MCFD2: variants seen among roughly 807,000 people sequenced by gnomAD.
MCFD2 encodes multiple coagulation factor deficiency protein 2.
Under a neutral mutation model 12.8 loss-of-function variants are expected in MCFD2, and 11 were observed. The observed-to-expected ratio is 0.86, with a 90% CI of 0.54 to 1.42. The LOEUF is 1.42. MCFD2 is among the 40% of genes most tolerant of loss of function. MCFD2 has a pLI of 0.00. For synonymous variants in MCFD2, 70 were observed against 68.1 expected (o/e 1.03, Z -0.14); for missense variants, 191 against 178.6 (o/e 1.07, Z -0.40).
intron 1 of MCFD2, among the ~76,000 whole-genome samples, chr2:46,926,334 G>A (rs770957582): frequency 1.1e-4 from 16 of 152,172 alleles, no homozygotes; most frequent in Admixed American, 5.9e-4. Flanking sequence ...CGGAGTAAGT[G>A]ATGCTCCCTA....
intron 1 of MCFD2, chr2:46,910,914 C>G (rs1668460229): frequency 6.6e-6 from 1 of 152,270 alleles, no homozygotes; most frequent in Non-Finnish European, 1.5e-5. Flanking sequence ...GCAGTGCACC[C>G]CTATAGTCCC....
Position 46,940,530 on chromosome 2 carries a change from G to C in MCFD2, c.-8+1042C>G, listed in dbSNP as rs1357773189. The stretch of plus-strand genomic sequence containing the variant: ...GCTAAACCCTGCTAAGCACTCCATA[G>C]AGCTTTGATCACAGTCTTAGACCAG... On this transcript the variant is annotated intron_variant, in intron 1 of 2. Coordinates refer to the MCFD2 transcript ENST00000409147. This position sits in a 1 kb window ranked among gnomAD's most constrained non-coding sequence, Gnocchi z 4.7. 6.6e-6 allele frequency among the ~76,000 whole-genome samples: 1 copy of C among 152,228 alleles called. No individual in the cohort carries two copies. The highest frequency in any genetic ancestry group is 2.4e-5 in the African/African-American group (1 of 41,466).
chr2:46,912,179 A>G (rs1337731364), intron 1 of MCFD2, among the ~76,000 whole-genome samples: 2 of 152,140 alleles, frequency 1.3e-5, no homozygotes, highest in East Asian at 3.9e-4. Context: ...TACTAAAAAT[A>G]CAAAAAAAAA....
At chr2:46,925,456 G>T (rs1669339522) in intron 1 of MCFD2, among the ~76,000 whole-genome samples, 1 of 152,160 alleles carries the variant, frequency 6.6e-6, no homozygotes. Flanking sequence ...TACTTGGGAG[G>T]CTGAGGCAGG....
chr2:46,912,364 C>T (rs995155283), intron 1 of MCFD2, among the ~76,000 whole-genome samples: 2 of 152,156 alleles, frequency 1.3e-5, no homozygotes, highest in Admixed American at 1.3e-4. Flanking sequence ...GTGTCCAGAC[C>T]CTGACAAGGC....
intron 1 of MCFD2, chr2:46,913,870 A>G (rs1168378944): frequency 1.3e-5 from 2 of 152,828 alleles, no homozygotes; most frequent in Middle Eastern, 3.3e-3. Context: ...TCCATCTCCA[A>G]CTTCCTTCCA....
intron 3 of MCFD2, 82 bp from the exon 4 acceptor site, chr2:46,905,676 C>CTTTCATG: frequency 1.5e-6 from 1 of 674,000 alleles, no homozygotes; most frequent in Non-Finnish European, 2.6e-6. Context: ...TATCCATGTT[C>CTTTCATG]TTTCATGGCA....
At chr2:46,910,077 G>A (rs555535672) in intron 1 of MCFD2, among the ~76,000 whole-genome samples, 1 of 152,340 alleles carries the variant, frequency 6.6e-6, no homozygotes, top group South Asian at 2.1e-4. Flanking sequence ...AGTAACTACA[G>A]TGAGCGGGCA....
intron 1 of MCFD2, among the ~76,000 whole-genome samples, chr2:46,913,256 CAG>C (rs748504055): frequency 3.3e-5 from 5 of 152,024 alleles, no homozygotes; most frequent in Non-Finnish European, 7.4e-5. Context: ...ACACTGAAAA[CAG>C]GGAATCGGGC....
Position 46,911,898 on chromosome 2 carries a change from A to G in MCFD2, c.-6-2721T>C, listed in dbSNP as rs1388523348. ...CGAGATCTGCTACCATTTTTTATGA[A>G]TATGTATTCAATGTAATCTATCCCA... On this transcript the variant is annotated intron_variant, in intron 1 of 3. Coordinates refer to ENST00000319466, the MANE Select transcript of MCFD2 (RefSeq NM_139279.6). Among the ~76,000 whole-genome samples the G allele has an allele frequency of 2.6e-5, 4 of 152,002 alleles. No homozygotes were observed. In the East Asian group the frequency reaches 5.8e-4, roughly 22 times the overall value.
intron 1 of MCFD2, among the ~76,000 whole-genome samples, chr2:46,921,619 C>CT (rs1424703759): frequency 6.6e-6 from 1 of 152,260 alleles, no homozygotes; most frequent in South Asian, 2.1e-4. Flanking sequence ...TCATTAAACT[C>CT]TATCAACAAA....
Position 46,941,401 on chromosome 2 carries a change from C to T in MCFD2, c.-8+171G>A, listed in dbSNP as rs936271043. 6 of 717,014 alleles carry T rather than the reference C, an allele frequency of 8.4e-6. No individual in the cohort carries two copies. The highest frequency in any genetic ancestry group is 1.2e-4 in the South Asian group (2 of 16,448). 44.4% of individuals were successfully genotyped at this position (717,014 alleles called of 1,614,324 possible). A position where few individuals can be genotyped will look rare whatever the true frequency, so the allele number is the denominator to read the frequency against. ...CTGCTGCTGCCCACCCTCCGCCGCC[C>T]GGGCCCCCGCTGCCGCCCGGGCCCC... On this transcript the variant is annotated intron_variant, in intron 1 of 2. Coordinates refer to the MCFD2 transcript ENST00000409147. The surrounding 1 kb of genome is among the most constrained non-coding windows in gnomAD (Gnocchi z 4.2).
rs1670378409 is a variant in MCFD2, at chr2:46,941,561, A to T, written c.-8+11T>A. The T allele has an allele frequency of 7.1e-6, 11 of 1,555,774 alleles. No homozygotes were observed. The highest frequency in any genetic ancestry group is 9.6e-6 in the Non-Finnish European group (11 of 1,150,318). ...GAGAAGATGGCTGCGAAGGGCGCGC[A>T]CGGCTCCTACCTGAAGGTGGAGAGC... is the stretch of plus-strand genomic sequence containing the variant. On this transcript the variant is annotated intron_variant, in intron 1 of 2. Transcript: ENST00000409147. This position sits in a 1 kb window ranked among gnomAD's most constrained non-coding sequence, Gnocchi z 4.2.
At chr2:46,919,542 TAAATA>T (rs1467443996), upstream of MCFD2, among the ~76,000 whole-genome samples, 1 of 152,152 alleles carries the variant, frequency 6.6e-6, no homozygotes, top group African/African-American at 2.4e-5. Context: ...TCTAAATAAA[TAAATA>T]AGACTTTAGG....
intron 1 of MCFD2, among the ~76,000 whole-genome samples, chr2:46,934,129 C>G (rs1669847292): frequency 6.6e-6 from 1 of 152,240 alleles, no homozygotes; most frequent in Non-Finnish European, 1.5e-5. Flanking sequence ...CAGAAACCAT[C>G]TACACCTAAG....
At position 46,904,985 on chromosome 2, in the gene MCFD2, T is replaced by C. The variant is rs1572604854; in HGVS notation, c.*478A>G. 3 of 233,338 alleles carry C rather than the reference T, an allele frequency of 1.3e-5. 1 individual carries two copies. In the South Asian group the frequency reaches 1.7e-4, roughly 13 times the overall value. 14.5% of individuals were successfully genotyped at this position (233,338 alleles called of 1,614,324 possible). On this transcript the variant is annotated 3_prime_UTR_variant, in exon 4 of 4. Transcript: ENST00000319466. ...GGTAATTGAATCATGGGGGCCAGTC[T>C]TTCCCATGCTATTCTTGTGATAGTG...
chr2:46,939,735 CG>C (rs1459299781), intron 1 of MCFD2, among the ~76,000 whole-genome samples: 2 of 152,196 alleles, frequency 1.3e-5, no homozygotes, highest in Non-Finnish European at 2.9e-5. Flanking sequence ...AGTGTGTTCT[CG>C]GGTCACCCTA....
chr2:46,927,811 G>T (rs1480536604), intron 1 of MCFD2, among the ~76,000 whole-genome samples: 2 of 149,652 alleles, frequency 1.3e-5, no homozygotes, highest in Non-Finnish European at 3.0e-5. Context: ...GAGTAAACGT[G>T]AGAAGACATT....
chr2:46,934,980 T>C (rs2103855414), intron 1 of MCFD2, among the ~76,000 whole-genome samples: 1 of 151,942 alleles, frequency 6.6e-6, no homozygotes, highest in African/African-American at 2.4e-5. Context: ...TTTGTATTTT[T>C]AGTAGAGACA....
Sources: allele counts gnomAD v4.1 joint callset (sites outside exome capture counted in the v4.1 genomes callset), GRCh38; gene constraint gnomAD v4.1.1; non-coding constraint Gnocchi (gnomAD v3.1); transcripts MANE v1.5; gene names NCBI Gene and HGNC (gene_info 2026-07-23, HGNC 2026-07-21).